PCDHA13: variants seen among roughly 807,000 people sequenced by gnomAD.
PCDHA13 encodes the protein protocadherin alpha 13.
A neutral mutation model predicts 64.8 loss-of-function variants in PCDHA13; 54 were observed. That is an observed-to-expected ratio of 0.83 (90% CI 0.67 to 1.04). PCDHA13 has a LOEUF of 1.04. PCDHA13 is among the 50% of genes least tolerant of loss of function. The probability of loss-of-function intolerance (pLI) is 0.00; values close to 1 mark genes in which losing one functional copy is unlikely to be tolerated. For synonymous variants in PCDHA13, 587 were observed against 564.4 expected, an observed-to-expected ratio of 1.04 and a Z score of -0.57; for missense variants, 1,248 against 1,254.3, an observed-to-expected ratio of 0.99 and a Z score of 0.08.
At chr5:140,957,107 G>A in intron 1 of PCDHA13, among the ~76,000 whole-genome samples, 1 of 152,092 alleles carries the variant, frequency 6.6e-6, no homozygotes, top group East Asian at 1.9e-4. Context: ...CTATGGACAT[G>A]ATTCTGTGTG....
At chr5:140,898,445 G>GAA (rs1317860515) in intron 1 of PCDHA13, among the ~76,000 whole-genome samples, 7 of 152,126 alleles carry the variant, frequency 4.6e-5, no homozygotes, top group Admixed American at 3.3e-4. Flanking sequence ...ATTAAATAGG[G>GAA]AATCCTTTCC....
chr5:140,928,807 C>G (rs782261335), intron 1 of PCDHA13: 1 of 1,614,094 alleles, frequency 6.2e-7, no homozygotes, highest in Admixed American at 1.7e-5. Context: ...GGTAGTGGTT[C>G]GGGACCATGG....
rs545409584 is a variant in PCDHA13, at chr5:140,952,105, G to A, written c.2395-26844G>A. 3.3e-5 allele frequency among the ~76,000 whole-genome samples: 5 copies of A among 152,218 alleles called. 1 individual carries two copies. Among genetic ancestry groups the A allele is most frequent in the African/African-American group, 4.8e-5 (2 of 41,536 alleles). ...CATGTCTCACATCCAGGGCACACTC[G>A]TGTGAGGGATGGGCTCCCAAGGCCT... is the stretch of plus-strand genomic sequence containing the variant. On this transcript the variant is annotated intron_variant, in intron 1 of 3. Coordinates refer to ENST00000289272, the MANE Select transcript of PCDHA13 (RefSeq NM_018904.3).
intron 1 of PCDHA13, among the ~76,000 whole-genome samples, chr5:140,954,068 G>A (rs1404063517): frequency 6.6e-6 from 1 of 152,174 alleles, no homozygotes; most frequent in South Asian, 2.1e-4. Context: ...TTATGCTGAG[G>A]ATAATGGCTT....
At chr5:140,919,713 G>C (rs1370532221) in intron 1 of PCDHA13, among the ~76,000 whole-genome samples, 1 of 152,096 alleles carries the variant, frequency 6.6e-6, no homozygotes, top group African/African-American at 2.4e-5. Context: ...ATTCTAGTGA[G>C]ATATAAATAT....
intron 1 of PCDHA13, among the ~76,000 whole-genome samples, chr5:140,902,203 C>CTTTT (rs148688132): frequency 2.0e-4 from 25 of 124,426 alleles, no homozygotes; most frequent in African/African-American, 2.5e-4. Flanking sequence ...CTCTCTCTTT[C>CTTTT]TTTTTTTTTT....
At chr5:140,956,985 A>G (rs1554222760) in intron 1 of PCDHA13, among the ~76,000 whole-genome samples, 2 of 152,224 alleles carry the variant, frequency 1.3e-5, no homozygotes, top group African/African-American at 2.4e-5. Flanking sequence ...AGTAAAATAA[A>G]TTCAAGGAAG....
chr5:140,887,018 G>C (rs965813784), intron 1 of PCDHA13, among the ~76,000 whole-genome samples: 70 of 151,906 alleles, frequency 4.6e-4, no homozygotes, highest in African/African-American at 1.6e-3. Context: ...CCTACTGCCT[G>C]AAAAATTTCT....
chr5:140,928,525 G>A (rs200642808), intron 1 of PCDHA13: 1 of 1,614,182 alleles, frequency 6.2e-7, no homozygotes, highest in East Asian at 2.2e-5. Context: ...AAACTTGTTT[G>A]TGGTAGATAG....
intron 1 of PCDHA13, among the ~76,000 whole-genome samples, chr5:140,900,751 G>A (rs781973754): frequency 1.3e-5 from 2 of 152,060 alleles, no homozygotes; most frequent in African/African-American, 2.4e-5. Context: ...GGATCACTTG[G>A]TAGCTCTATT....
intron 1 of PCDHA13, chr5:140,927,600 C>T (rs1179735453): frequency 1.9e-6 from 3 of 1,614,042 alleles, no homozygotes; most frequent in African/African-American, 1.3e-5. Flanking sequence ...TTGAGCGCTC[C>T]GTATACCGCA....
chr5:140,882,888 A>G lies in PCDHA13; in HGVS notation c.620A>G (p.Glu207Gly). The G allele has an allele frequency of 6.2e-7, 1 of 1,614,190 alleles. No homozygotes were observed. Residue 207 changes from glutamate (E) to glycine (G), a missense_variant, in exon 1 of 4, where the codon GAA becomes GGA. Transcript: ENST00000289272. ...ACACTGGACAGAGAGGAAATTCAGGAACATAGTTTATTACTGACAGCCAGT... is the reference window on the plus strand; with the variant it reads ...ACACTGGACAGAGAGGAAATTCAGGGACATAGTTTATTACTGACAGCCAGT... The part of the protein sequence containing the change: ...RKTLDREEIQ[E>G]HSLLLTASDG...
At chr5:140,925,349 A>G (rs4912732) in intron 1 of PCDHA13, among the ~76,000 whole-genome samples, 5,885 of 152,152 alleles carry the variant, frequency 0.039, 171 homozygotes, top group Non-Finnish European at 0.058. Flanking sequence ...TTGAGTGAGG[A>G]ATTTAGTGCT....
At chr5:140,931,044 CT>C (rs781930381) in intron 1 of PCDHA13, among the ~76,000 whole-genome samples, 67 of 152,264 alleles carry the variant, frequency 4.4e-4, no homozygotes, top group South Asian at 2.7e-3. Flanking sequence ...GCAAGAAAAA[CT>C]TCAATGCTGT....
chr5:140,966,057 G>A (rs2153745793), intron 1 of PCDHA13, among the ~76,000 whole-genome samples: 1 of 152,318 alleles, frequency 6.6e-6, no homozygotes, highest in East Asian at 1.9e-4. Flanking sequence ...TAACCCCAGA[G>A]CGCCTCCCCC....
chr5:140,953,522 G>A (rs246031), intron 1 of PCDHA13, among the ~76,000 whole-genome samples: 85,599 of 151,862 alleles, frequency 0.56, 24,738 homozygotes, highest in African/African-American at 0.69. Flanking sequence ...CAACAAAAAC[G>A]GGAAACTCAC....
rs1460408085 is a variant in PCDHA13, at chr5:140,900,316, C to T, written c.2394+15654C>T. On this transcript the variant is annotated intron_variant, in intron 1 of 3. Coordinates refer to ENST00000289272, the MANE Select transcript of PCDHA13 (RefSeq NM_018904.3). ...TTTTTTTAGACAGTCTCACTTTTGT[C>T]GCCCAGGCTGGAGTACCGTGGCGCA... Among the ~76,000 whole-genome samples the T allele has an allele frequency of 1.2e-4, 18 of 152,172 alleles. No individual in the cohort carries two copies. The East Asian group carries it at 2.7e-3, about 23-fold the overall frequency.
rs1280903830 is a variant in PCDHA13, at chr5:140,927,541, G to T, written c.2394+42879G>T. 4 of 1,613,996 alleles carry T rather than the reference G, an allele frequency of 2.5e-6. No homozygotes were observed. The East Asian group carries it at 6.7e-5, about 27-fold the overall frequency. On this transcript the variant is annotated intron_variant, in intron 1 of 3. Coordinates refer to ENST00000289272, the MANE Select transcript of PCDHA13 (RefSeq NM_018904.3). ...CGGGCTACCTGCCCGCTCAGGAGAC[G>T]CACAAGTCACCATCATTGTGGTGGA...
intron 1 of PCDHA13, among the ~76,000 whole-genome samples, chr5:140,923,894 G>A (rs2081566819): frequency 6.6e-6 from 1 of 152,186 alleles, no homozygotes; most frequent in African/African-American, 2.4e-5. Flanking sequence ...AAGAGGAGGA[G>A]TTTCTGTGAA....
Sources: gnomAD v4.1 joint callset for allele counts (sites outside exome capture counted in the v4.1 genomes callset) on GRCh38, gnomAD v4.1.1 for gene constraint, MANE v1.5 for transcripts, NCBI Gene and HGNC (gene_info 2026-07-23, HGNC 2026-07-21) for gene names.